ARHGEF28: variants seen among roughly 807,000 people sequenced by gnomAD.
ARHGEF28 encodes the protein Rho guanine nucleotide exchange factor 28, also known as 190 kDa guanine nucleotide exchange factor.
A neutral mutation model predicts 206.6 loss-of-function variants in ARHGEF28; 152 were observed. The ratio of observed to expected loss-of-function variants is 0.74; its 90% confidence interval spans 0.64 to 0.84. The LOEUF is 0.84. Among genes scored for constraint, ARHGEF28 ranks in the 40% least tolerant of loss-of-function variants. The pLI, the probability that ARHGEF28 is intolerant of heterozygous loss-of-function variation, is 0.00. For missense variants in ARHGEF28, 2,028 were observed against 2,073.2 expected (o/e 0.98, Z 0.42); for synonymous variants, 763 against 776.4 (o/e 0.98, Z 0.29).
chr5:73,758,787 A>G (rs971727675), intron 4 of ARHGEF28, among the ~76,000 whole-genome samples: 2 of 152,164 alleles, frequency 1.3e-5, no homozygotes, highest in African/African-American at 4.8e-5. Flanking sequence ...TCCTGACCTC[A>G]AGTGATTCAC....
At chr5:73,851,545 A>G (rs867062232) in intron 13 of ARHGEF28, among the ~76,000 whole-genome samples, 3 of 152,304 alleles carry the variant, frequency 2.0e-5, no homozygotes, top group Middle Eastern at 3.4e-3. Context: ...CAATATTAAA[A>G]TGATAACTAC....
Position 73,928,966 on chromosome 5 carries a change from C to T in ARHGEF28, c.4949-11878C>T, listed in dbSNP as rs140690849. Among the ~76,000 whole-genome samples the T allele has an allele frequency of 8.1e-3, 1,240 of 152,270 alleles. 7 individuals carry two copies. Among genetic ancestry groups the T allele is most frequent in the African/African-American group, 0.029 (1,191 of 41,542 alleles). ...ATTTATTTATTTTGAGACGGAGTCTCGCTCTGTCACCCATGCTGGAGTGTA... is the reference window on the plus strand; with the variant it reads ...ATTTATTTATTTTGAGACGGAGTCTTGCTCTGTCACCCATGCTGGAGTGTA... On this transcript the variant is annotated intron_variant, in intron 35 of 35. Coordinates refer to ENST00000513042, the MANE Select transcript of ARHGEF28 (RefSeq NM_001177693.2).
Position 73,768,248 on chromosome 5 carries a change from G to A in ARHGEF28, c.476-5607G>A, listed in dbSNP as rs562332020. Among the ~76,000 whole-genome samples the A allele has an allele frequency of 6.2e-4, 94 of 152,232 alleles. 1 individual carries two copies. Among genetic ancestry groups the A allele is most frequent in the Middle Eastern group, 6.8e-3 (2 of 294 alleles). On this transcript the variant is annotated intron_variant, in intron 4 of 35. Coordinates refer to ENST00000513042, the MANE Select transcript of ARHGEF28 (RefSeq NM_001177693.2). The stretch of plus-strand genomic sequence containing the variant: ...AGTTCCTACTGGGACACTGCCTAGT[G>A]GAGCTGTGAGAAGAGGGCCACAATC...
Position 73,886,108 on chromosome 5 carries a change from C to A in ARHGEF28, c.3310+4C>A. 6.2e-7 allele frequency: 1 copy of A among 1,609,090 alleles called. No individual in the cohort carries two copies. The highest frequency in any genetic ancestry group is 8.5e-7 in the Non-Finnish European group (1 of 1,177,506). ...ACTGCTACAGGTCGTTTCAAAGGTA[C>A]TGTGGCTCTACCAGACCAATTTCTC... On this transcript the variant is annotated splice_donor_region_variant and intron_variant, in intron 25 of 35. Coordinates refer to ENST00000513042, the MANE Select transcript of ARHGEF28 (RefSeq NM_001177693.2).
At chr5:73,797,085 G>A (rs1011213920) in intron 9 of ARHGEF28, among the ~76,000 whole-genome samples, 2 of 152,254 alleles carry the variant, frequency 1.3e-5, no homozygotes, top group East Asian at 1.9e-4. Flanking sequence ...CCTCGTCTGA[G>A]TGTTTTGTCA....
At chr5:73,831,539 G>A (rs2112558805) in intron 9 of ARHGEF28, among the ~76,000 whole-genome samples, 1 of 152,368 alleles carries the variant, frequency 6.6e-6, no homozygotes, top group African/African-American at 2.4e-5. Flanking sequence ...AGCCAGAACT[G>A]CTAGGCTGTG....
At chr5:73,722,174 C>T (rs897850237) in intron 2 of ARHGEF28, among the ~76,000 whole-genome samples, 2 of 151,978 alleles carry the variant, frequency 1.3e-5, no homozygotes, top group East Asian at 1.9e-4. Context: ...CAAAAAGATT[C>T]GTCGTGAATA....
chr5:73,634,317 C>T (rs891680480), intron 1 of ARHGEF28, among the ~76,000 whole-genome samples: 1 of 152,138 alleles, frequency 6.6e-6, no homozygotes, highest in Non-Finnish European at 1.5e-5. Context: ...TCTTAATCCC[C>T]CATCTCCTCA....
At chr5:73,858,456 T>C (rs1049266348) in intron 16 of ARHGEF28, among the ~76,000 whole-genome samples, 1 of 152,136 alleles carries the variant, frequency 6.6e-6, no homozygotes, top group Non-Finnish European at 1.5e-5. Context: ...AAAGAGCGTC[T>C]CAGATGTTAC....
intron 1 of ARHGEF28, among the ~76,000 whole-genome samples, chr5:73,660,945 G>C (rs535125173): frequency 6.6e-6 from 1 of 152,316 alleles, no homozygotes; most frequent in East Asian, 1.9e-4. Flanking sequence ...ATGAGCATCG[G>C]CTTCAACTTC....
intron 22 of ARHGEF28, among the ~76,000 whole-genome samples, chr5:73,875,619 G>A (rs1561476730): frequency 1.3e-5 from 2 of 152,074 alleles, no homozygotes; most frequent in African/African-American, 4.8e-5. Flanking sequence ...AAGGAATCCA[G>A]TTTCAGCTTT....
intron 1 of ARHGEF28, among the ~76,000 whole-genome samples, chr5:73,672,508 A>G (rs1746414539): frequency 6.6e-6 from 1 of 152,236 alleles, no homozygotes. Flanking sequence ...TGATACAGTC[A>G]GCATTCTATA....
rs753322368 is a variant in ARHGEF28, at chr5:73,866,032, G to A, written c.2152+19G>A. ...CTTGGAAGTAAGTGATGTAGAAAAC[G>A]ACAAGAACTTTTAAAAATTTAATAC... On this transcript the variant is annotated intron_variant, in intron 18 of 35. Coordinates refer to ENST00000513042, the MANE Select transcript of ARHGEF28 (RefSeq NM_001177693.2). 29 of 1,577,260 alleles carry A rather than the reference G, an allele frequency of 1.8e-5. No homozygotes were observed. The highest frequency in any genetic ancestry group is 2.3e-5 in the Non-Finnish European group (27 of 1,158,604).
At chr5:73,800,746 A>C (rs1194346618) in intron 9 of ARHGEF28, among the ~76,000 whole-genome samples, 1 of 152,238 alleles carries the variant, frequency 6.6e-6, no homozygotes, top group African/African-American at 2.4e-5. Context: ...TACCAAGAAG[A>C]CACAGATCTT....
At chr5:73,860,016 C>T (rs140075396) in intron 16 of ARHGEF28, among the ~76,000 whole-genome samples, 180 of 152,348 alleles carry the variant, frequency 1.2e-3, no homozygotes, top group African/African-American at 4.3e-3. Flanking sequence ...AGTCTTTCCT[C>T]ATTGTTCAGA....
At chr5:73,808,642 A>G (rs1561419263) in intron 9 of ARHGEF28, among the ~76,000 whole-genome samples, 1 of 152,186 alleles carries the variant, frequency 6.6e-6, no homozygotes, top group Non-Finnish European at 1.5e-5. Context: ...CATATATTTA[A>G]GTTGTCACTG....
intron 2 of ARHGEF28, among the ~76,000 whole-genome samples, chr5:73,693,047 G>A (rs1221855362): frequency 6.6e-6 from 1 of 152,220 alleles, no homozygotes; most frequent in African/African-American, 2.4e-5. Context: ...GTCTCCAAGA[G>A]GGAGATTGAC....
At chr5:73,922,076 T>G (rs1372513895) in intron 35 of ARHGEF28, among the ~76,000 whole-genome samples, 1 of 152,250 alleles carries the variant, frequency 6.6e-6, no homozygotes, top group East Asian at 1.9e-4. Context: ...TTCTGTTTTC[T>G]AAAGTGTCCT....
intron 33 of ARHGEF28, among the ~76,000 whole-genome samples, chr5:73,906,440 C>CTT (rs1561182535): frequency 3.3e-5 from 5 of 152,168 alleles, no homozygotes; most frequent in Non-Finnish European, 1.5e-5. Context: ...AGGCTGCAGT[C>CTT]TAACTCCTGG....
Sources: gnomAD v4.1 joint callset for allele counts (sites outside exome capture counted in the v4.1 genomes callset) on GRCh38, gnomAD v4.1.1 for gene constraint, MANE v1.5 for transcripts, NCBI Gene and HGNC (gene_info 2026-07-23, HGNC 2026-07-21) for gene names.